Variants in DCAF8 observed in about 807,000 individuals in gnomAD.
The protein encoded by DCAF8 is DDB1 and CUL4 associated factor 8.
Under a neutral mutation model 68.0 loss-of-function variants are expected in DCAF8, and 20 were observed. The observed-to-expected ratio is 0.29, with a 90% confidence interval of 0.21 to 0.43. The LOEUF (loss-of-function observed/expected upper bound fraction) is 0.43. Among genes scored for constraint, DCAF8 ranks in the 20% least tolerant of loss-of-function variants. DCAF8 has a pLI of 1.00. For missense variants in DCAF8, 460 were observed against 771.0 expected (o/e 0.60, Z 4.78); for synonymous variants, 230 against 276.9 (o/e 0.83, Z 1.68).
At chr1:160,234,638 C>A (rs1238855727) in intron 6 of DCAF8, among the ~76,000 whole-genome samples, 1 of 152,196 alleles carries the variant, frequency 6.6e-6, no homozygotes, top group African/African-American at 2.4e-5. Flanking sequence ...TTTAACACAG[C>A]ATATTAAATA....
intron 13 of DCAF8, 122 bp from the exon 14 acceptor site, chr1:160,217,830 G>T: frequency 1.4e-6 from 1 of 710,172 alleles, no homozygotes; most frequent in Non-Finnish European, 2.5e-6. Flanking sequence ...TAAAGGGCCA[G>T]AGAGTAAATA....
At chr1:160,232,877 T>C (rs1284554683) in intron 6 of DCAF8, among the ~76,000 whole-genome samples, 1 of 152,180 alleles carries the variant, frequency 6.6e-6, no homozygotes, top group Admixed American at 6.5e-5. Context: ...TGATAAATTT[T>C]TCACTGAAGA....
intron 2 of DCAF8, among the ~76,000 whole-genome samples, chr1:160,255,909 C>CG (rs1259214775): frequency 6.6e-6 from 1 of 151,838 alleles, no homozygotes; most frequent in East Asian, 1.9e-4. Context: ...TGTAAGCCAC[C>CG]GTGCATGGCC....
Position 160,238,621 on chromosome 1 carries a change from C to T in DCAF8, c.850G>A (p.Gly284Arg). 1 of 1,607,582 alleles carries T rather than the reference C, an allele frequency of 6.2e-7. No homozygotes were observed. The highest frequency in any genetic ancestry group is 8.5e-7 in the Non-Finnish European group (1 of 1,177,586). Residue 284 changes from glycine to arginine, a missense_variant, in exon 5 of 14, where the codon GGA becomes AGA. Physicochemically the swap from Gly to Arg is moderately radical, Grantham distance 125 (BLOSUM62 -2). Around this residue, in one of 8 missense-constraint regions of DCAF8, gnomAD observed 170 missense variants for 318.2 expected, o/e 0.53. Coordinates refer to ENST00000368074, the MANE Select transcript of DCAF8 (RefSeq NM_015726.4). Reference sequence around the variant, plus strand: ...GTCTTACTTACCTTGTGGGACGCTCCCTTGTGCTGGGCCACACGTTTTGTA... The same window carrying T: ...GTCTTACTTACCTTGTGGGACGCTCTCTTGTGCTGGGCCACACGTTTTGTA... The part of the protein sequence containing the change: ...KNTKRVAQHK[G>R]ASHKLALEPD...
intron 2 of DCAF8, among the ~76,000 whole-genome samples, chr1:160,246,124 A>C (rs1656327445): frequency 6.6e-6 from 1 of 152,160 alleles, no homozygotes; most frequent in Non-Finnish European, 1.5e-5. Flanking sequence ...CCTGGGCAAC[A>C]AGAGCAAACT....
chr1:160,240,165 A>G lies in DCAF8; in HGVS notation c.255T>C (p.Gly85=). The change falls in exon 4 of 14, where the codon GGT becomes GGC. Residue 85 remains glycine (G), a synonymous_variant. Coordinates refer to ENST00000368074, the MANE Select transcript of DCAF8 (RefSeq NM_015726.4). ...DKDSDSMEDT[G]HYSINDENRV... ...GATTTTCATCATTAATGGAGTAATG[A>G]CCAGTGTCCTCCATGCTGTCAGAGT... 6.2e-7 allele frequency: 1 copy of G among 1,613,678 alleles called. No homozygotes were observed. The highest frequency in any genetic ancestry group is 1.1e-5 in the South Asian group (1 of 91,008).
intron 9 of DCAF8, among the ~76,000 whole-genome samples, 174 bp from the exon 10 acceptor site, chr1:160,224,723 A>G (rs1380633935): frequency 2.6e-5 from 4 of 152,222 alleles, no homozygotes; most frequent in African/African-American, 9.7e-5. Context: ...GACTAAGAAC[A>G]CACTGCCAAC....
chr1:160,243,066 T>G (rs1246872369), intron 3 of DCAF8, among the ~76,000 whole-genome samples: 2 of 152,242 alleles, frequency 1.3e-5, no homozygotes, highest in African/African-American at 4.8e-5. Flanking sequence ...CCTGTTATCC[T>G]GACCTTCAAG....
At chr1:160,236,668 T>C (rs1351044374) in intron 6 of DCAF8, among the ~76,000 whole-genome samples, 1 of 152,210 alleles carries the variant, frequency 6.6e-6, no homozygotes, top group African/African-American at 2.4e-5. Context: ...AAAATTTACC[T>C]ATGAGTCTCA....
intron 11 of DCAF8, among the ~76,000 whole-genome samples, chr1:160,221,512 T>TCA (rs1557828769): frequency 6.6e-6 from 1 of 152,056 alleles, no homozygotes; most frequent in African/African-American, 2.4e-5. Context: ...AAATACCCTT[T>TCA]CACCAGGGCA....
At chr1:160,246,444 C>T (rs1452165644) in intron 2 of DCAF8, among the ~76,000 whole-genome samples, 2 of 152,196 alleles carry the variant, frequency 1.3e-5, no homozygotes, top group African/African-American at 4.8e-5. Context: ...CAGAAGGATA[C>T]TCTAGAGCAG....
At chr1:160,250,486 A>AC (rs1656542136) in intron 2 of DCAF8, among the ~76,000 whole-genome samples, 1 of 151,404 alleles carries the variant, frequency 6.6e-6, no homozygotes, top group African/African-American at 2.4e-5. Flanking sequence ...AAAAAAAAAA[A>AC]CAGGATGAGA....
chr1:160,254,858 T>C (rs1292132497), intron 2 of DCAF8, among the ~76,000 whole-genome samples: 1 of 152,200 alleles, frequency 6.6e-6, no homozygotes, highest in East Asian at 1.9e-4. Flanking sequence ...AAAAGGGCTT[T>C]GGTGTCAAAC....
At chr1:160,233,613 A>G (rs1341455514) in intron 6 of DCAF8, among the ~76,000 whole-genome samples, 3 of 152,206 alleles carry the variant, frequency 2.0e-5, no homozygotes, top group African/African-American at 7.2e-5. Flanking sequence ...TCCTTCCCAC[A>G]GGACCATCTC....
At chr1:160,219,093 G>T in intron 11 of DCAF8, 125 bp from the exon 12 acceptor site, 1 of 1,380,762 alleles carries the variant, frequency 7.2e-7, no homozygotes, top group Non-Finnish European at 9.9e-7. Context: ...GGGAAGGGAG[G>T]CCCACCCATC....
intron 2 of DCAF8, 103 bp from the exon 3 acceptor site, chr1:160,244,137 A>G: frequency 3.3e-6 from 3 of 909,614 alleles, no homozygotes; most frequent in Non-Finnish European, 5.3e-6. Flanking sequence ...TATCATTTTT[A>G]TAAAAATGAT....
At chr1:160,244,149 T>G (rs1557838310) in intron 2 of DCAF8, 115 bp from the exon 3 acceptor site, 2 of 770,798 alleles carry the variant, frequency 2.6e-6, no homozygotes, top group East Asian at 2.5e-5. Flanking sequence ...AAAAATGATT[T>G]GTGTATGCAT....
At chr1:160,231,170 T>C in intron 7 of DCAF8, 127 bp downstream of exon 7, 1 of 706,708 alleles carries the variant, frequency 1.4e-6, no homozygotes, top group Non-Finnish European at 2.4e-6. Context: ...TGGAAAACGG[T>C]AAAAAATTCA....
intron 10 of DCAF8, 134 bp downstream of exon 10, chr1:160,224,308 C>G: frequency 1.6e-6 from 1 of 643,088 alleles, no homozygotes; most frequent in Non-Finnish European, 2.7e-6. Flanking sequence ...AAAACTCCAG[C>G]CCAATTCAGG....
Sources: allele counts gnomAD v4.1 joint callset (sites outside exome capture counted in the v4.1 genomes callset), GRCh38; gene constraint gnomAD v4.1.1; regional missense constraint gnomAD v4.1.1; transcripts MANE v1.5; gene names NCBI Gene and HGNC (gene_info 2026-07-23, HGNC 2026-07-21).